Variants in TMEM132C observed in about 807,000 individuals in gnomAD.
TMEM132C encodes the protein transmembrane protein 132C.
A neutral mutation model predicts 61.4 loss-of-function variants in TMEM132C; 29 were observed. The observed-to-expected ratio is 0.47, with a 90% CI of 0.35 to 0.64. The LOEUF (loss-of-function observed/expected upper bound fraction) is 0.64. Among genes scored for constraint, TMEM132C ranks in the 30% least tolerant of loss-of-function variants. The pLI is 0.00. For synonymous variants in TMEM132C, 656 were observed against 633.1 expected (o/e 1.04, Z -0.54); for missense variants, 1,408 against 1,476.9 (o/e 0.95, Z 0.76).
At chr12:128,336,162 A>G (rs1593015401) in intron 1 of TMEM132C, among the ~76,000 whole-genome samples, 1 of 152,178 alleles carries the variant, frequency 6.6e-6, no homozygotes, top group East Asian at 1.9e-4. Flanking sequence ...TTTAATTACT[A>G]TTACAGTCAT....
intron 1 of TMEM132C, among the ~76,000 whole-genome samples, chr12:128,304,496 C>T (rs1252205241): frequency 6.6e-6 from 1 of 152,096 alleles, no homozygotes; most frequent in African/African-American, 2.4e-5. Context: ...GTAATTCCAG[C>T]TACTCAGGAG....
intron 1 of TMEM132C, among the ~76,000 whole-genome samples, chr12:128,292,691 A>T (rs1871281032): frequency 8.8e-6 from 1 of 113,662 alleles, no homozygotes; most frequent in African/African-American, 3.6e-5. Context: ...TGTACTTAGT[A>T]CCTAGGTACC....
chr12:128,408,935 A>T (rs1244218133), intron 1 of TMEM132C, among the ~76,000 whole-genome samples: 1 of 152,118 alleles, frequency 6.6e-6, no homozygotes, highest in African/African-American at 2.4e-5. Context: ...GCTGCCCCAT[A>T]TGCTGGCGGG....
intron 2 of TMEM132C, among the ~76,000 whole-genome samples, chr12:128,463,648 C>T (rs1371570007): frequency 6.6e-6 from 1 of 152,024 alleles, no homozygotes; most frequent in East Asian, 1.9e-4. Flanking sequence ...TGAAGCATGT[C>T]CCTGGAAGGG....
intron 2 of TMEM132C, among the ~76,000 whole-genome samples, chr12:128,434,605 T>TAATGAGTTCCTAGGTA: frequency 1.3e-5 from 2 of 150,800 alleles, no homozygotes; most frequent in Non-Finnish European, 3.0e-5. Context: ...TTTATATTTC[T>TAATGAGTTCCTAGGTA]TTTTTGTTTG....
chr12:128,450,804 A>C (rs997333522), intron 2 of TMEM132C, among the ~76,000 whole-genome samples: 5 of 152,194 alleles, frequency 3.3e-5, no homozygotes, highest in African/African-American at 1.2e-4. Context: ...TCTGCTGTGG[A>C]TGCTGGCACC....
At chr12:128,648,160 C>G (rs113320826) in intron 4 of TMEM132C, among the ~76,000 whole-genome samples, 3,673 of 150,312 alleles carry the variant, frequency 0.024, 145 homozygotes, top group African/African-American at 0.087. Flanking sequence ...TTACCAGATG[C>G]CATCAACGTT....
chr12:128,359,946 A>G (rs1873644367), intron 1 of TMEM132C, among the ~76,000 whole-genome samples: 1 of 152,216 alleles, frequency 6.6e-6, no homozygotes, highest in Non-Finnish European at 1.5e-5. Flanking sequence ...AGAATCCAGG[A>G]GGACGGGTGA....
intron 2 of TMEM132C, among the ~76,000 whole-genome samples, chr12:128,424,635 C>T (rs1224117634): frequency 6.6e-6 from 1 of 152,152 alleles, no homozygotes; most frequent in African/African-American, 2.4e-5. Context: ...GTGATAAACA[C>T]ATGCTGAAAT....
At chr12:128,340,746 T>C (rs1872930061) in intron 1 of TMEM132C, among the ~76,000 whole-genome samples, 3 of 151,906 alleles carry the variant, frequency 2.0e-5, no homozygotes, top group African/African-American at 7.3e-5. Context: ...CCTTTCTTTT[T>C]TTCTTTTTCT....
At chr12:128,459,364 C>T (rs1008267994) in intron 2 of TMEM132C, among the ~76,000 whole-genome samples, 2 of 152,088 alleles carry the variant, frequency 1.3e-5, no homozygotes, top group Non-Finnish European at 2.9e-5. Context: ...TCAGGAGGGC[C>T]TGAATGAGCT....
At chr12:128,315,285 G>C (rs1872113873) in intron 1 of TMEM132C, among the ~76,000 whole-genome samples, 1 of 152,158 alleles carries the variant, frequency 6.6e-6, no homozygotes, top group African/African-American at 2.4e-5. Context: ...GGAGAGGAAC[G>C]GGATGAGGCT....
intron 1 of TMEM132C, among the ~76,000 whole-genome samples, chr12:128,333,748 G>A (rs1872724696): frequency 6.6e-6 from 1 of 151,218 alleles, no homozygotes; most frequent in South Asian, 2.1e-4. Context: ...TGGTGTGTGT[G>A]CTGTATATTT....
chr12:128,697,626 G>T (rs1394307125), intron 8 of TMEM132C, among the ~76,000 whole-genome samples: 6 of 152,172 alleles, frequency 3.9e-5, no homozygotes, highest in Non-Finnish European at 8.8e-5. Context: ...CAAGTCTCTT[G>T]GCTGCCGTTC....
intron 2 of TMEM132C, among the ~76,000 whole-genome samples, chr12:128,533,062 G>A (rs1382113326): frequency 1.3e-5 from 2 of 152,166 alleles, no homozygotes; most frequent in Non-Finnish European, 2.9e-5. Flanking sequence ...TCTAGTGGAA[G>A]AGCAAGGATG....
intron 1 of TMEM132C, among the ~76,000 whole-genome samples, chr12:128,287,849 ACT>A (rs1871121849): frequency 6.6e-6 from 1 of 151,980 alleles, no homozygotes; most frequent in South Asian, 2.1e-4. Flanking sequence ...TGTCTTCATA[ACT>A]CTGACGTGTT....
At chr12:128,381,253 G>A (rs1310763745) in intron 1 of TMEM132C, among the ~76,000 whole-genome samples, 1 of 152,136 alleles carries the variant, frequency 6.6e-6, no homozygotes. Context: ...AGTACCAGGG[G>A]CACTGATGGA....
At chr12:128,385,140 A>G (rs1874532538) in intron 1 of TMEM132C, among the ~76,000 whole-genome samples, 1 of 152,106 alleles carries the variant, frequency 6.6e-6, no homozygotes, top group Admixed American at 6.5e-5. Flanking sequence ...GTGACTGGAG[A>G]CTTGGTTATG....
intron 3 of TMEM132C, among the ~76,000 whole-genome samples, chr12:128,582,502 A>C (rs1593108235): frequency 6.7e-6 from 1 of 149,702 alleles, no homozygotes; most frequent in East Asian, 2.0e-4. Context: ...TCTCATCTTG[A>C]ATTGTGCTCC....
Sources: gnomAD v4.1 joint callset for allele counts (sites outside exome capture counted in the v4.1 genomes callset) on GRCh38, gnomAD v4.1.1 for gene constraint, MANE v1.5 for transcripts, NCBI Gene and HGNC (gene_info 2026-07-23, HGNC 2026-07-21) for gene names.